The following CWC22 variants were observed in gnomAD, a reference collection of about 807,000 sequenced individuals.
CWC22 encodes the protein pre-mRNA-splicing factor CWC22 homolog.
A neutral mutation model predicts 117.2 loss-of-function variants in CWC22; 53 were observed. The observed-to-expected ratio is 0.45, with a 90% CI of 0.36 to 0.57. The LOEUF (loss-of-function observed/expected upper bound fraction) is 0.57, where lower values mean the gene tolerates loss of function less well. Ranked by LOEUF, CWC22 falls within the 20% of genes least tolerant of loss-of-function variation. The pLI, the probability that CWC22 is intolerant of heterozygous loss-of-function variation, is 0.00. For missense variants in CWC22, 980 were observed against 1,068.8 expected, an observed-to-expected ratio of 0.92 and a Z score of 1.16; for synonymous variants, 360 against 355.6, an observed-to-expected ratio of 1.01 and a Z score of -0.14.
intron 2 of CWC22, among the ~76,000 whole-genome samples, chr2:179,991,755 C>T (rs1006172933): frequency 2.0e-5 from 3 of 152,186 alleles, no homozygotes; most frequent in African/African-American, 7.2e-5. Flanking sequence ...CCAGAATCTG[C>T]CACCTACTAG....
intron 8 of CWC22, among the ~76,000 whole-genome samples, chr2:179,972,569 T>C (rs1310216613): frequency 6.6e-6 from 1 of 152,190 alleles, no homozygotes; most frequent in Non-Finnish European, 1.5e-5. Flanking sequence ...GTGGAGGAGA[T>C]ACCAACTTTA....
intron 1 of CWC22, among the ~76,000 whole-genome samples, chr2:180,001,727 T>G (rs543781076): frequency 8.0e-4 from 122 of 152,322 alleles, no homozygotes; most frequent in African/African-American, 2.9e-3. Flanking sequence ...TAACTTTTTT[T>G]CTTGTTGCTA....
chr2:179,984,624 G>A (rs1454389203), intron 4 of CWC22, among the ~76,000 whole-genome samples: 3 of 152,058 alleles, frequency 2.0e-5, no homozygotes, highest in Middle Eastern at 3.4e-3. Context: ...TTTAGTCAAC[G>A]ATAAACCATG....
chr2:179,945,533 A>G lies in CWC22; in HGVS notation c.2323T>C (p.Ser775Pro). 6.2e-7 allele frequency: 1 copy of G among 1,613,210 alleles called. No individual in the cohort carries two copies. Among genetic ancestry groups the G allele is most frequent in the Non-Finnish European group, 8.5e-7 (1 of 1,179,460 alleles). ...EKHRDQNSSG[S>P]NWRDPITKYT... Reference sequence around the variant, plus strand: ...TTTGTTATAGGATCTCTCCAATTTGAACCACTTGAATTTTGATCTCTGTGT... The same window carrying G: ...TTTGTTATAGGATCTCTCCAATTTGGACCACTTGAATTTTGATCTCTGTGT... The change falls in exon 20 of 20, where the codon TCA (serine) becomes CCA (proline). Residue 775 changes from serine to proline, a missense_variant. Ser to Pro is a moderately conservative substitution (Grantham distance 74, BLOSUM62 -1). Around this residue, in one of 3 missense-constraint regions of CWC22, gnomAD observed 306 missense variants for 296.8 expected, o/e 1.03. Transcript: ENST00000410053.
In CWC22 at chr2:179,945,233, C is replaced by G. The variant is rs1327393122; in HGVS notation, c.2623G>C (p.Ala875Pro). 6.2e-6 allele frequency: 10 copies of G among 1,613,784 alleles called. No homozygotes were observed. Among genetic ancestry groups the G allele is most frequent in the Non-Finnish European group, 6.8e-6 (8 of 1,179,814 alleles). Reference sequence around the variant, plus strand: ...CTAGATTTTTCCCATCGTCTCTCGGCACCATTTTGATATCTATCTTCATCA... The same window carrying G: ...CTAGATTTTTCCCATCGTCTCTCGGGACCATTTTGATATCTATCTTCATCA... ...RSDEDRYQNG[A>P]ERRWEKSSRY... Residue 875 changes from alanine to proline, a missense_variant, in exon 20 of 20, where the codon GCC becomes CCC. Coordinates refer to ENST00000410053, the MANE Select transcript of CWC22 (RefSeq NM_020943.3).
At chr2:179,989,246 TA>T (rs750615877) in intron 2 of CWC22, among the ~76,000 whole-genome samples, 1 of 150,436 alleles carries the variant, frequency 6.6e-6, no homozygotes, top group Non-Finnish European at 1.5e-5. Context: ...TAAGTTATAA[TA>T]ATAATTATTA....
chr2:179,976,413 G>T (rs1448771191), intron 6 of CWC22, among the ~76,000 whole-genome samples: 1 of 152,110 alleles, frequency 6.6e-6, no homozygotes, highest in African/African-American at 2.4e-5. Flanking sequence ...AGAGACAAAT[G>T]GGATTACATA....
At chr2:179,959,692 C>G (rs1344434052) in intron 13 of CWC22, among the ~76,000 whole-genome samples, 1 of 152,156 alleles carries the variant, frequency 6.6e-6, no homozygotes, top group East Asian at 1.9e-4. Flanking sequence ...CTTCTGAATA[C>G]TGTAGGCAAC....
chr2:179,946,567 G>A (rs1286961482), intron 19 of CWC22, among the ~76,000 whole-genome samples: 3 of 151,254 alleles, frequency 2.0e-5, no homozygotes, highest in Non-Finnish European at 4.4e-5. Flanking sequence ...ACAGTAAACA[G>A]AAATTTTATA....
intron 15 of CWC22, 84 bp downstream of exon 15, chr2:179,954,873 T>C: frequency 1.2e-6 from 1 of 865,962 alleles, no homozygotes; most frequent in East Asian, 2.6e-5. Flanking sequence ...TAATATGTTT[T>C]TAAATGAGAC....
At chr2:179,961,651 G>T (rs1686752981) in intron 13 of CWC22, among the ~76,000 whole-genome samples, 4 of 151,976 alleles carry the variant, frequency 2.6e-5, no homozygotes, top group Admixed American at 2.6e-4. Context: ...AAACAGTCGA[G>T]TAGTTGATGA....
intron 4 of CWC22, among the ~76,000 whole-genome samples, chr2:179,984,883 T>G (rs1220979296): frequency 6.6e-6 from 1 of 152,084 alleles, no homozygotes; most frequent in East Asian, 1.9e-4. Context: ...TCTTCCACTG[T>G]TTTCCATATA....
chr2:179,975,714 A>C (rs1687137611), intron 6 of CWC22, among the ~76,000 whole-genome samples: 1 of 152,182 alleles, frequency 6.6e-6, no homozygotes, highest in Non-Finnish European at 1.5e-5. Context: ...AAATCTAACC[A>C]TGGAGATGAA....
intron 8 of CWC22, 45 bp from the exon 9 acceptor site, chr2:179,971,121 A>C: frequency 1.6e-6 from 2 of 1,259,228 alleles, no homozygotes; most frequent in Non-Finnish European, 2.1e-6. Flanking sequence ...ATGCTTTTAC[A>C]TACATTAAAT....
rs939714080 is a variant in CWC22, at chr2:179,970,748, T to C, written c.1049A>G (p.His350Arg). ...ATCAAGACCTTCTAGGATAATGGGG[T>C]GGTCCTTGAATCCATCTTTCCGTAC... ...FAVRKDGFKD[H>R]PIILEGLDLV... The change falls in exon 10 of 20, where the codon CAC (histidine) becomes CGC (arginine). Residue 350 changes from histidine to arginine, a missense_variant. Coordinates refer to ENST00000410053, the MANE Select transcript of CWC22 (RefSeq NM_020943.3). The C allele has an allele frequency of 1.9e-6, 3 of 1,613,594 alleles. No individual in the cohort carries two copies. The highest frequency in any genetic ancestry group is 2.5e-6 in the Non-Finnish European group (3 of 1,179,722).
chr2:179,985,861 C>A (rs1240388130), intron 4 of CWC22, among the ~76,000 whole-genome samples: 4 of 151,970 alleles, frequency 2.6e-5, no homozygotes, highest in African/African-American at 9.7e-5. Flanking sequence ...CAGTTTCAGG[C>A]ACCCACTGGG....
intron 11 of CWC22, among the ~76,000 whole-genome samples, chr2:179,968,574 CT>C (rs891386676): frequency 3.2e-4 from 47 of 146,500 alleles, no homozygotes; most frequent in East Asian, 4.0e-4. Context: ...AACAATTTTT[CT>C]TTTTTTTTTT....
chr2:179,962,785 TAAC>T (rs914123289), intron 13 of CWC22, among the ~76,000 whole-genome samples: 1 of 152,054 alleles, frequency 6.6e-6, no homozygotes, highest in South Asian at 2.1e-4. Flanking sequence ...CTATAGCAAA[TAAC>T]AATGTTGCCA....
chr2:179,965,895 CCCTCTT>C lies in CWC22; in HGVS notation c.1292_1297del (p.Glu431_Glu432del), dbSNP rs771724476. On this transcript the variant is annotated inframe_deletion, in exon 12 of 20. Transcript: ENST00000410053. The stretch of plus-strand genomic sequence containing the variant: ...ATGTTTACCTTCTTCATCTTCTTCT[CCCTCTT>C]CCTCTTCTTCTTCCTCGTCCTCTTC... 6.5e-7 allele frequency: 1 copy of C among 1,550,190 alleles called. No individual in the cohort carries two copies. The highest frequency in any genetic ancestry group is 1.1e-5 in the South Asian group (1 of 89,644).
Sources: allele counts gnomAD v4.1 joint callset (sites outside exome capture counted in the v4.1 genomes callset), GRCh38; gene constraint gnomAD v4.1.1; regional missense constraint gnomAD v4.1.1; transcripts MANE v1.5; gene names NCBI Gene and HGNC (gene_info 2026-07-23, HGNC 2026-07-21).